RNF168: variants seen among roughly 807,000 people sequenced by gnomAD.
The protein encoded by RNF168 is E3 ubiquitin-protein ligase RNF168.
RNF168 carries 34 observed loss-of-function variants against 34.9 expected under a neutral mutation model. The ratio of observed to expected loss-of-function variants is 0.97; its 90% CI spans 0.74 to 1.30. RNF168 has a LOEUF of 1.30. Among genes scored for constraint, RNF168 ranks in the 50% most tolerant of loss-of-function variants. The probability of loss-of-function intolerance (pLI) is 0.00; values close to 1 mark genes in which losing one functional copy is unlikely to be tolerated. For missense variants in RNF168, 725 were observed against 682.5 expected (o/e 1.06, Z -0.69); for synonymous variants, 264 against 254.7 (o/e 1.04, Z -0.35).
At chr3:196,500,841 A>G (rs961912634) in intron 1 of RNF168, among the ~76,000 whole-genome samples, 58 of 151,776 alleles carry the variant, frequency 3.8e-4, no homozygotes, top group African/African-American at 1.0e-3. Context: ...CCTCCCGAGT[A>G]GCTGGGACTA....
At chr3:196,500,824 G>A (rs1732863903) in intron 1 of RNF168, among the ~76,000 whole-genome samples, 1 of 151,930 alleles carries the variant, frequency 6.6e-6, no homozygotes, top group Non-Finnish European at 1.5e-5. Context: ...CCATTCTCCG[G>A]CCTCAGCCTC....
intron 1 of RNF168, among the ~76,000 whole-genome samples, chr3:196,502,223 TA>T (rs1732912497): frequency 6.6e-6 from 1 of 151,206 alleles, no homozygotes; most frequent in Non-Finnish European, 1.5e-5. Flanking sequence ...GGTTGAGTGA[TA>T]AAAAAGCGAC....
intron 5 of RNF168, 194 bp downstream of exon 5, chr3:196,475,037 T>G: frequency 1.8e-6 from 1 of 560,332 alleles, no homozygotes. Context: ...TTGCTTTTTG[T>G]AGTATGTTTA....
At position 196,502,960 on chromosome 3, in the gene RNF168, CGAGA is replaced by C. The variant is rs752496059; in HGVS notation, c.210_213del (p.Leu71SerfsTer8). The C allele has an allele frequency of 1.2e-6, 2 of 1,613,970 alleles. No homozygotes were observed. The highest frequency in any genetic ancestry group is 1.7e-6 in the Non-Finnish European group (2 of 1,179,916). On this transcript the variant is annotated frameshift_variant, in exon 1 of 6. Transcript: ENST00000318037. LOFTEE classifies it high-confidence loss of function. ...ATTATCGTCCACAGTTCCACGTTGA[CGAGA>C]GAATTTCTTCGGGTATGGTACCGAG...
intron 1 of RNF168, among the ~76,000 whole-genome samples, chr3:196,500,772 C>T (rs368721691): frequency 7.0e-4 from 106 of 151,816 alleles, no homozygotes; most frequent in Non-Finnish European, 6.6e-4. Context: ...AGTGCGGTGG[C>T]GTGATCTCGG....
rs755116093 is a variant in RNF168, at chr3:196,472,648, G to T, written c.887C>A (p.Ser296Tyr). ...ACAGGCACATAACCATGGCATAGGG[G>T]ACTCTATTGAAGAATCTGCACCTTG... ...GEQGADSSIE[S>Y]PMPWLCACGA... The change falls in exon 6 of 6, where the codon TCC (serine) becomes TAC (tyrosine). Residue 296 changes from serine (S) to tyrosine (Y), a missense_variant. Physicochemically the swap from Ser to Tyr is moderately radical, Grantham distance 144 (BLOSUM62 -2). Transcript: ENST00000318037. 5.6e-6 allele frequency: 9 copies of T among 1,611,402 alleles called. No individual in the cohort carries two copies. The highest frequency in any genetic ancestry group is 7.6e-6 in the Non-Finnish European group (9 of 1,177,882).
chr3:196,482,634 G>A (rs931439991), intron 4 of RNF168, among the ~76,000 whole-genome samples: 5 of 152,160 alleles, frequency 3.3e-5, no homozygotes, highest in African/African-American at 1.2e-4. Flanking sequence ...GTGGATTATA[G>A]CCATCCTAAT....
At chr3:196,487,088 C>G (rs1454998473) in intron 3 of RNF168, among the ~76,000 whole-genome samples, 2 of 152,186 alleles carry the variant, frequency 1.3e-5, no homozygotes, top group Non-Finnish European at 2.9e-5. Flanking sequence ...TGGATTAGAG[C>G]AAATATGTAA....
At chr3:196,476,200 A>G (rs1732146478) in intron 4 of RNF168, among the ~76,000 whole-genome samples, 1 of 152,146 alleles carries the variant, frequency 6.6e-6, no homozygotes, top group African/African-American at 2.4e-5. Flanking sequence ...AAAAAAGCAG[A>G]TAGCATCAAA....
chr3:196,502,266 G>T (rs764690663), intron 1 of RNF168, among the ~76,000 whole-genome samples: 1 of 151,992 alleles, frequency 6.6e-6, no homozygotes, highest in Non-Finnish European at 1.5e-5. Context: ...GGAGAATCAA[G>T]AATTAAATGA....
chr3:196,503,473 C>T lies in RNF168; in HGVS notation c.-300G>A. ...CCTGGCTGCTCCGCGGCATGAACAC[C>T]GCGGCTGCGGCTCCCGGGGCAGCGA... On this transcript the variant is annotated 5_prime_UTR_variant, in exon 1 of 6. Coordinates refer to ENST00000318037, the MANE Select transcript of RNF168 (RefSeq NM_152617.4). 1 of 416,460 alleles carries T rather than the reference C, an allele frequency of 2.4e-6. No individual in the cohort carries two copies. Among genetic ancestry groups the T allele is most frequent in the Non-Finnish European group, 4.5e-6 (1 of 222,772 alleles). 25.8% of individuals were successfully genotyped at this position (416,460 alleles called of 1,614,324 possible). A position where few individuals can be genotyped will look rare whatever the true frequency, so the allele number is the denominator to read the frequency against.
intron 1 of RNF168, among the ~76,000 whole-genome samples, chr3:196,500,821 C>G (rs1479622160): frequency 2.0e-5 from 3 of 152,062 alleles, no homozygotes; most frequent in Middle Eastern, 6.8e-3. Flanking sequence ...ACGCCATTCT[C>G]CGGCCTCAGC....
intron 3 of RNF168, among the ~76,000 whole-genome samples, chr3:196,485,189 C>G (rs1732393014): frequency 6.6e-6 from 1 of 152,114 alleles, no homozygotes; most frequent in Non-Finnish European, 1.5e-5. Context: ...TGGCCTTAAA[C>G]CACCAAACTT....
rs528924586 is a variant in RNF168 at position 196,488,654 on chromosome 3, T to A, written c.331A>T (p.Ser111Cys). The A allele has an allele frequency of 8.7e-6, 14 of 1,609,262 alleles. No homozygotes were observed. The East Asian group carries it at 2.9e-4, about 33-fold the overall frequency. The change falls in exon 2 of 6, where the codon AGT (serine) becomes TGT (cysteine). Residue 111 changes from serine to cysteine, a missense_variant. By Grantham distance (112) the Ser-to-Cys change is moderately radical. Transcript: ENST00000318037. ...TCTCTTCTCAGTTCCCCAGGTTTAC[T>A]GAGCAGACGAACTGGCTGATAGTCA... ...ADDYQPVRLL[S>C]KPGELRREYE...
chr3:196,488,878 G>T (rs189475519), intron 1 of RNF168, among the ~76,000 whole-genome samples, 195 bp from the exon 2 acceptor site: 2 of 151,826 alleles, frequency 1.3e-5, no homozygotes, highest in Non-Finnish European at 2.9e-5. Flanking sequence ...TTGAGACAGA[G>T]CCTTGCTCTG....
At position 196,503,446 on chromosome 3, in the gene RNF168, A is replaced by G; in HGVS notation, c.-273T>C. On this transcript the variant is annotated 5_prime_UTR_variant, in exon 1 of 6. Coordinates refer to ENST00000318037, the MANE Select transcript of RNF168 (RefSeq NM_152617.4). ...AATAAATGCAGGTTTTCGTCGGAGG[A>G]GCCTGGCTGCTCCGCGGCATGAACA... The G allele has an allele frequency of 4.3e-6, 2 of 465,238 alleles. No homozygotes were observed. The highest frequency in any genetic ancestry group is 6.8e-5 in the Admixed American group (2 of 29,600). The allele number at this position is 465,238 out of a possible 1,614,324, so 28.8% of individuals were successfully genotyped here. A position where few individuals can be genotyped will look rare whatever the true frequency, so the allele number is the denominator to read the frequency against.
chr3:196,487,650 ATAGAAAAG>A, intron 2 of RNF168, 72 bp from the exon 3 acceptor site: 1 of 1,396,702 alleles, frequency 7.2e-7, no homozygotes, highest in South Asian at 1.2e-5. Context: ...CATAACAAGA[ATAGAAAAG>A]TAGAAAAAGA....
Position 196,475,489 on chromosome 3 carries a change from T to C in RNF168, c.681-177A>G, listed in dbSNP as rs145112063. ...CAATTCCAGGACAAAACTTAAATGA[T>C]TGAGTATTGATATTTTAGTGAAAAA... On this transcript the variant is annotated intron_variant, in intron 4 of 5. Transcript: ENST00000318037. 6.7e-3 allele frequency: 4,098 copies of C among 614,060 alleles called. 168 individuals carry two copies. In the South Asian group the frequency reaches 0.067, roughly 10 times the overall value. The allele number at this position is 614,060 out of a possible 1,614,324, so 38.0% of individuals were successfully genotyped here. A position where few individuals can be genotyped will look rare whatever the true frequency, so the allele number is the denominator to read the frequency against.
Position 196,472,455 on chromosome 3 carries a change from C to T in RNF168, c.1080G>A (p.Gly360=). 1 of 1,614,060 alleles carries T rather than the reference C, an allele frequency of 6.2e-7. No individual in the cohort carries two copies. The highest frequency in any genetic ancestry group is 8.5e-7 in the Non-Finnish European group (1 of 1,179,972). ...RTESGCAPTS[G]VTQTNGNNTG... Reference sequence around the variant, plus strand: ...TGTTGTTTCCATTTGTCTGTGTCACCCCTGATGTGGGGGCGCACCCACTTT... The same window carrying T: ...TGTTGTTTCCATTTGTCTGTGTCACTCCTGATGTGGGGGCGCACCCACTTT... Residue 360 remains glycine, a synonymous_variant, in exon 6 of 6, where the codon GGG becomes GGA. Transcript: ENST00000318037.
Sources: gnomAD v4.1 joint callset for allele counts (sites outside exome capture counted in the v4.1 genomes callset) on GRCh38, gnomAD v4.1.1 for gene constraint, MANE v1.5 for transcripts, NCBI Gene and HGNC (gene_info 2026-07-23, HGNC 2026-07-21) for gene names.